Variants in COL4A3 observed in about 807,000 individuals in gnomAD.
COL4A3 encodes collagen alpha-3(IV) chain.
Under a neutral mutation model 217.4 loss-of-function variants are expected in COL4A3, and 135 were observed. The ratio of observed to expected loss-of-function variants is 0.62; its 90% CI spans 0.54 to 0.72. The LOEUF is 0.72. Among genes scored for constraint, COL4A3 ranks in the 30% least tolerant of loss-of-function variants. The probability of loss-of-function intolerance (pLI) is 0.00; values close to 1 mark genes in which losing one functional copy is unlikely to be tolerated. For missense variants in COL4A3, 1,868 were observed against 2,119.9 expected, an observed-to-expected ratio of 0.88 and a Z score of 2.33; for synonymous variants, 690 against 736.3, an observed-to-expected ratio of 0.94 and a Z score of 1.02.
At chr2:227,208,765 TAC>T (rs60244094) in intron 1 of COL4A3, among the ~76,000 whole-genome samples, 9,080 of 138,260 alleles carry the variant, frequency 0.066, 414 homozygotes, top group African/African-American at 0.13. Flanking sequence ...GGCGGTTGGT[TAC>T]ACACACACAC....
At chr2:227,234,184 G>A (rs575955028) in intron 1 of COL4A3, among the ~76,000 whole-genome samples, 1 of 152,232 alleles carries the variant, frequency 6.6e-6, no homozygotes, top group South Asian at 2.1e-4. Context: ...TGTGGAGAGA[G>A]AGAAAGAGAG....
chr2:227,232,155 G>C (rs11900182), intron 1 of COL4A3, among the ~76,000 whole-genome samples: 11,393 of 152,122 alleles, frequency 0.075, 614 homozygotes, highest in African/African-American at 0.15. Flanking sequence ...CTTTTTTGTG[G>C]CTGCATAGTA....
In COL4A3 at chr2:227,270,941, A is replaced by G; in HGVS notation, c.1747A>G (p.Lys583Glu). 6.2e-7 allele frequency: 1 copy of G among 1,614,074 alleles called. No individual in the cohort carries two copies. Among genetic ancestry groups the G allele is most frequent in the Non-Finnish European group, 8.5e-7 (1 of 1,179,922 alleles). Residue 583 changes from lysine (K) to glutamate (E), a missense_variant, in exon 25 of 52, where the codon AAA becomes GAA. By Grantham distance (56) the Lys-to-Glu change is moderately conservative. Transcript: ENST00000396578. The part of the protein sequence containing the change: ...TPGVKGLPGP[K>E]GELALSGEKG... ...GGGAGTGAAAGGATTACCAGGACCTAAAGGCGAACTGGTTGGTATTTAGCA... is the reference window on the plus strand; with the variant it reads ...GGGAGTGAAAGGATTACCAGGACCTGAAGGCGAACTGGTTGGTATTTAGCA...
At chr2:227,225,239 T>C (rs72977834) in intron 1 of COL4A3, among the ~76,000 whole-genome samples, 18,256 of 152,250 alleles carry the variant, frequency 0.12, 1,218 homozygotes, top group East Asian at 0.29. Flanking sequence ...CAAAGATTTT[T>C]TTTCAAATGG....
chr2:227,295,407 A>G (rs886910625), intron 41 of COL4A3, 91 bp downstream of exon 41: 7 of 1,090,830 alleles, frequency 6.4e-6, no homozygotes, highest in Non-Finnish European at 9.9e-6. Context: ...AGCTTAACCT[A>G]GTGAATTAAA....
Position 227,253,628 on chromosome 2 carries a change from A to G in COL4A3, c.755A>G (p.Asp252Gly). 2 of 1,613,982 alleles carry G rather than the reference A, an allele frequency of 1.2e-6. No individual in the cohort carries two copies. Residue 252 changes from aspartate to glycine, a missense_variant, in exon 13 of 52, where the codon GAT (aspartate) becomes GGT (glycine). By Grantham distance (94) the Asp-to-Gly change is moderately conservative (BLOSUM62 -1). This residue lies in a region of COL4A3 where 365 missense variants were observed against 333.8 expected (regional missense o/e 1.09). Transcript: ENST00000396578. The surrounding 1 kb of genome is among the most constrained non-coding windows in gnomAD (Gnocchi z 4.4). ...GTVIVTLTGP[D>G]NRTDLKGEKG... Reference sequence around the variant, plus strand: ...GTTATTGTGACCCTAACTGGCCCAGATAACAGAACGGTAACTCTGCGATTT... The same window carrying G: ...GTTATTGTGACCCTAACTGGCCCAGGTAACAGAACGGTAACTCTGCGATTT...
At chr2:227,172,581 CTTTTTTTTTTTTTT>C (rs11315628) in intron 1 of COL4A3, among the ~76,000 whole-genome samples, 1 of 73,596 alleles carries the variant, frequency 1.4e-5, no homozygotes, top group African/African-American at 5.7e-5. Flanking sequence ...TCGTCTTCTT[CTTTTTTTTTTTTTT>C]TTTTTTTTTT....
chr2:227,208,725 G>A (rs13005711), intron 1 of COL4A3, among the ~76,000 whole-genome samples: 42,668 of 150,366 alleles, frequency 0.28, 6,374 homozygotes, highest in Admixed American at 0.39. Context: ...AATCAGTTCT[G>A]TCTAGGCAGC....
At chr2:227,256,545 T>C (rs751537482) in intron 17 of COL4A3, 149 bp downstream of exon 17, 26 of 791,954 alleles carry the variant, frequency 3.3e-5, no homozygotes, top group Non-Finnish European at 4.8e-5. Flanking sequence ...AAAAGAGAGA[T>C]GTGGCAACTT....
chr2:227,223,169 A>G (rs13022362), intron 1 of COL4A3, among the ~76,000 whole-genome samples: 76,625 of 151,904 alleles, frequency 0.5, 20,107 homozygotes, highest in Non-Finnish European at 0.59. Flanking sequence ...AGCCCCTGCA[A>G]GCTGCTTGTT....
At chr2:227,177,941 A>G (rs1001185599) in intron 1 of COL4A3, among the ~76,000 whole-genome samples, 2 of 152,234 alleles carry the variant, frequency 1.3e-5, no homozygotes, top group Non-Finnish European at 2.9e-5. Flanking sequence ...GGGAAATGCC[A>G]AGGAAAAGCC....
intron 34 of COL4A3, 49 bp from the exon 35 acceptor site, chr2:227,289,101 C>G: frequency 6.9e-7 from 1 of 1,454,750 alleles, no homozygotes; most frequent in Non-Finnish European, 9.6e-7. Context: ...CAGGCACCTG[C>G]CACCACACCT....
At chr2:227,195,767 A>G (rs1381985285) in intron 1 of COL4A3, among the ~76,000 whole-genome samples, 1 of 151,120 alleles carries the variant, frequency 6.6e-6, no homozygotes, top group Non-Finnish European at 1.5e-5. Flanking sequence ...AGACATTTTT[A>G]TCATAGGAGA....
chr2:227,256,440 C>A (rs1243940267), intron 17 of COL4A3, 44 bp downstream of exon 17: 12 of 1,548,974 alleles, frequency 7.7e-6, no homozygotes, highest in Non-Finnish European at 1.1e-5. Context: ...TTGGGTTTTG[C>A]CTGTGCTTTT....
intron 1 of COL4A3, among the ~76,000 whole-genome samples, chr2:227,217,801 T>C (rs1419409156): frequency 3.3e-5 from 5 of 152,076 alleles, no homozygotes; most frequent in Non-Finnish European, 7.4e-5. Context: ...CCATCACCTG[T>C]GATGGGGCCT....
Position 227,307,736 on chromosome 2 carries a change from G to A in COL4A3, c.4279G>A (p.Gly1427Ser). 6.2e-7 allele frequency: 1 copy of A among 1,614,174 alleles called. No individual in the cohort carries two copies. Among genetic ancestry groups the A allele is most frequent in the Non-Finnish European group, 8.5e-7 (1 of 1,180,022 alleles). Residue 1427 changes from glycine to serine, a missense_variant, in exon 48 of 52, where the codon GGT (glycine) becomes AGT (serine). Gly to Ser is a moderately conservative substitution (Grantham distance 56, BLOSUM62 0). Around this residue, in one of 2 missense-constraint regions of COL4A3, gnomAD observed 1,503 missense variants for 1,786.1 expected, o/e 0.84. Transcript: ENST00000396578. Reference protein sequence around the residue: ...PGPAGSDGLPGLKGKRGDSGS... With the variant: ...PGPAGSDGLPSLKGKRGDSGS... Reference sequence around the variant, plus strand: ...ACCAGCTGGATCAGATGGATTGCCAGGTTTGAAAGGAAAACGTGGAGACAG... The same window carrying A: ...ACCAGCTGGATCAGATGGATTGCCAAGTTTGAAAGGAAAACGTGGAGACAG...
Position 227,238,308 on chromosome 2 carries a change from C to T in COL4A3, c.144+284C>T, listed in dbSNP as rs931284823. 2.6e-5 allele frequency: 8 copies of T among 303,480 alleles called. 1 individual carries two copies. The highest frequency in any genetic ancestry group is 9.7e-5 in the Admixed American group (2 of 20,678). 18.8% of individuals were successfully genotyped at this position (303,480 alleles called of 1,614,324 possible). On this transcript the variant is annotated intron_variant, in intron 2 of 51. Transcript: ENST00000396578. ...AGAAAAAGAAAAAGAAAGTTTATGACAAGTCTCCATATGTATACACTATTT... is the reference window on the plus strand; with the variant it reads ...AGAAAAAGAAAAAGAAAGTTTATGATAAGTCTCCATATGTATACACTATTT...
chr2:227,310,866 T>A lies in COL4A3; in HGVS notation c.4846T>A (p.Cys1616Ser). Reference sequence around the variant, plus strand: ...ATTCCGAGCCAGCCCATTTCTAGAATGTCATGGAAGAGGAACGTGCAACTA... The same window carrying A: ...ATTCCGAGCCAGCCCATTTCTAGAAAGTCATGGAAGAGGAACGTGCAACTA... ...EEFRASPFLE[C>S]HGRGTCNYYS... The change falls in exon 51 of 52, where the codon TGT becomes AGT. Residue 1616 changes from cysteine to serine, a missense_variant. Coordinates refer to ENST00000396578, the MANE Select transcript of COL4A3 (RefSeq NM_000091.5). The A allele has an allele frequency of 1.9e-6, 3 of 1,614,102 alleles. No individual in the cohort carries two copies. Among genetic ancestry groups the A allele is most frequent in the Non-Finnish European group, 2.5e-6 (3 of 1,180,002 alleles).
At chr2:227,190,542 G>T (rs2066192064) in intron 1 of COL4A3, among the ~76,000 whole-genome samples, 1 of 152,208 alleles carries the variant, frequency 6.6e-6, no homozygotes, top group Non-Finnish European at 1.5e-5. Context: ...TGTAACAGAA[G>T]AGGGACTTTG....
Sources: gnomAD v4.1 joint callset for allele counts (sites outside exome capture counted in the v4.1 genomes callset) on GRCh38, gnomAD v4.1.1 for gene constraint, gnomAD v4.1.1 regional missense constraint, Gnocchi (gnomAD v3.1) non-coding constraint, MANE v1.5 for transcripts, NCBI Gene and HGNC (gene_info 2026-07-23, HGNC 2026-07-21) for gene names.